Variants in ABCD3 observed in about 807,000 individuals in gnomAD.
The protein encoded by ABCD3 is ATP-binding cassette sub-family D member 3.
A neutral mutation model predicts 105.5 loss-of-function variants in ABCD3; 41 were observed. The ratio of observed to expected loss-of-function variants is 0.39; its 90% CI spans 0.30 to 0.50. The LOEUF (loss-of-function observed/expected upper bound fraction) is 0.50. ABCD3 is among the 20% of genes least tolerant of loss of function. The pLI is 0.84. For synonymous variants in ABCD3, 258 were observed against 269.0 expected (o/e 0.96, Z 0.40); for missense variants, 622 against 806.3 (o/e 0.77, Z 2.77).
chr1:94,449,092 G>A (rs1660468921), intron 1 of ABCD3, among the ~76,000 whole-genome samples: 2 of 152,152 alleles, frequency 1.3e-5, no homozygotes, highest in African/African-American at 4.8e-5. Context: ...AATAACTTGG[G>A]GTAGAGGTTA....
intron 1 of ABCD3, among the ~76,000 whole-genome samples, chr1:94,431,593 A>C (rs558648813): frequency 6.6e-6 from 1 of 152,074 alleles, no homozygotes; most frequent in East Asian, 1.9e-4. Context: ...AGACAGACTC[A>C]CTCTGTGGCC....
chr1:94,499,109 A>G, intron 19 of ABCD3, 75 bp downstream of exon 19: 1 of 1,323,154 alleles, frequency 7.6e-7, no homozygotes, highest in Admixed American at 1.7e-5. Flanking sequence ...AGTATTTTAA[A>G]TGCCAGGTAG....
intron 9 of ABCD3, chr1:94,481,841 C>T (rs1352855619): frequency 6.6e-6 from 1 of 152,204 alleles, no homozygotes; most frequent in African/African-American, 2.4e-5. Flanking sequence ...CTAAAGCAAT[C>T]ACAGCAAAGT....
At chr1:94,477,814 G>A (rs1648836661) in intron 7 of ABCD3, among the ~76,000 whole-genome samples, 1 of 152,174 alleles carries the variant, frequency 6.6e-6, no homozygotes, top group Admixed American at 6.5e-5. Flanking sequence ...TAAAGTAATA[G>A]AGTCAAACAA....
intron 9 of ABCD3, chr1:94,482,318 TATAAAAC>T (rs1235942238): frequency 6.6e-6 from 1 of 152,164 alleles, no homozygotes; most frequent in Non-Finnish European, 1.5e-5. Flanking sequence ...AAAATAGAAA[TATAAAAC>T]ATAAATTGTT....
the ABCD3 span, among the ~76,000 whole-genome samples, chr1:94,397,655 G>A: frequency 2.6e-5 from 4 of 152,174 alleles, no homozygotes; most frequent in African/African-American, 9.6e-5. Context: ...GGCTAAGGTG[G>A]TATGTGCCAG....
intron 1 of ABCD3, among the ~76,000 whole-genome samples, chr1:94,449,958 A>G (rs1360510345): frequency 1.3e-5 from 2 of 152,214 alleles, no homozygotes; most frequent in African/African-American, 4.8e-5. Flanking sequence ...AACAAGATCA[A>G]AATTTGGGAA....
intron 20 of ABCD3, among the ~76,000 whole-genome samples, chr1:94,500,609 T>C (rs559164280): frequency 6.6e-6 from 1 of 152,288 alleles, no homozygotes; most frequent in East Asian, 1.9e-4. Flanking sequence ...TAGAGAAAAC[T>C]GTAGCTAAGG....
chr1:94,514,480 A>G (rs1267857937), intron 21 of ABCD3: 1 of 151,982 alleles, frequency 6.6e-6, no homozygotes, highest in East Asian at 1.9e-4. Flanking sequence ...AGATCTATAA[A>G]TACGTATTCA....
chr1:94,449,241 T>C (rs1472968395), intron 1 of ABCD3, among the ~76,000 whole-genome samples: 3 of 152,194 alleles, frequency 2.0e-5, no homozygotes, highest in Non-Finnish European at 4.4e-5. Flanking sequence ...ATGTCGAGAT[T>C]GACACTGAGG....
intron 2 of ABCD3, among the ~76,000 whole-genome samples, chr1:94,458,976 C>T (rs930099830): frequency 7.3e-6 from 1 of 137,840 alleles, no homozygotes; most frequent in Non-Finnish European, 1.6e-5. Flanking sequence ...CCCTCCTCCA[C>T]CTCCCCTCTC....
the ABCD3 span, among the ~76,000 whole-genome samples, chr1:94,390,198 T>G: frequency 3.3e-5 from 5 of 152,222 alleles, no homozygotes; most frequent in Non-Finnish European, 4.4e-5. Context: ...AAATTCACCC[T>G]CATTACCATG....
intron 1 of ABCD3, among the ~76,000 whole-genome samples, chr1:94,435,597 A>T (rs1477800997): frequency 6.6e-6 from 1 of 152,186 alleles, no homozygotes; most frequent in Non-Finnish European, 1.5e-5. Context: ...CTGATGCTTG[A>T]CACCTAGATC....
chr1:94,497,969 TAA>T (rs963356414), intron 16 of ABCD3, among the ~76,000 whole-genome samples: 22 of 152,326 alleles, frequency 1.4e-4, no homozygotes, highest in African/African-American at 5.1e-4. Flanking sequence ...TTCATTTTTT[TAA>T]AAGAGACTGT....
rs372495420 is a variant in ABCD3 at position 94,489,820 on chromosome 1, AAT to A, written c.1249+7_1249+8del. The A allele has an allele frequency of 4.2e-5, 68 of 1,612,918 alleles. 1 individual carries two copies. The East Asian group carries it at 1.5e-3, about 34-fold the overall frequency. ...ATGGTCTCACAACAGGAAAAGGGTA[AAT>A]ATGAGTGTCACAGTTTAAGGTCACA... is the stretch of plus-strand genomic sequence containing the variant. On this transcript the variant is annotated splice_donor_5th_base_variant and intron_variant, in intron 14 of 22. Coordinates refer to ENST00000370214, the MANE Select transcript of ABCD3 (RefSeq NM_002858.4).
At chr1:94,447,109 C>G (rs184477084) in intron 1 of ABCD3, among the ~76,000 whole-genome samples, 10 of 152,316 alleles carry the variant, frequency 6.6e-5, no homozygotes, top group Non-Finnish European at 1.3e-4. Context: ...TGTTCAGCCT[C>G]TAGAACCTAT....
At chr1:94,508,405 T>C (rs1003392870) in intron 21 of ABCD3, among the ~76,000 whole-genome samples, 14 of 152,262 alleles carry the variant, frequency 9.2e-5, no homozygotes, top group Middle Eastern at 3.4e-3. Context: ...CCTTGTAGTA[T>C]GGTTTGAAGT....
At chr1:94,515,035 C>A in intron 21 of ABCD3, 111 bp from the exon 22 acceptor site, 1 of 849,926 alleles carries the variant, frequency 1.2e-6, no homozygotes, top group Admixed American at 2.0e-5. Flanking sequence ...ATTGACATTG[C>A]TTTTTAACTT....
chr1:94,507,034 A>C (rs893315052), intron 21 of ABCD3, among the ~76,000 whole-genome samples: 17 of 151,798 alleles, frequency 1.1e-4, no homozygotes, highest in African/African-American at 3.1e-4. Context: ...TACATGTGCA[A>C]AATGTGCAGG....
Sources: gnomAD v4.1 joint callset for allele counts (sites outside exome capture counted in the v4.1 genomes callset) on GRCh38, gnomAD v4.1.1 for gene constraint, MANE v1.5 for transcripts, NCBI Gene and HGNC (gene_info 2026-07-23, HGNC 2026-07-21) for gene names.